The following XKR4 variants were observed in gnomAD, a reference collection of about 807,000 sequenced individuals.
The protein encoded by XKR4 is XK related 4.
Under a neutral mutation model 53.9 loss-of-function variants are expected in XKR4, and 12 were observed. That is an observed-to-expected ratio of 0.22 (90% CI 0.14 to 0.36). The LOEUF (loss-of-function observed/expected upper bound fraction) is 0.36. Ranked by LOEUF, XKR4 falls within the 10% of genes least tolerant of loss-of-function variation. The probability of loss-of-function intolerance (pLI) is 1.00; values close to 1 mark genes in which losing one functional copy is unlikely to be tolerated. For missense variants in XKR4, 799 were observed against 859.5 expected, an observed-to-expected ratio of 0.93 and a Z score of 0.88; for synonymous variants, 354 against 362.4, an observed-to-expected ratio of 0.98 and a Z score of 0.26.
chr8:55,176,367 G>A (rs903822280), intron 1 of XKR4, among the ~76,000 whole-genome samples: 4 of 152,172 alleles, frequency 2.6e-5, no homozygotes, highest in African/African-American at 7.2e-5. Flanking sequence ...GTCCCCAGCC[G>A]CTGCCTCCAG....
chr8:55,107,203 A>G (rs1008661543), intron 1 of XKR4, among the ~76,000 whole-genome samples: 5 of 152,168 alleles, frequency 3.3e-5, no homozygotes, highest in Non-Finnish European at 7.4e-5. Flanking sequence ...AAAGAAAATT[A>G]TTAGTATCTG....
chr8:55,426,785 A>G (rs1487331851), intron 2 of XKR4, among the ~76,000 whole-genome samples: 1 of 152,206 alleles, frequency 6.6e-6, no homozygotes, highest in Non-Finnish European at 1.5e-5. Flanking sequence ...CATGAAACCA[A>G]CCCAAACTAT....
rs879204886 is a variant in XKR4, at chr8:55,538,127, C to T, written c.*13900C>T. The T allele has an allele frequency of 6.6e-6, 1 of 152,124 alleles. No individual in the cohort carries two copies. The highest frequency in any genetic ancestry group is 1.5e-5 in the Non-Finnish European group (1 of 68,020). 9.4% of individuals were successfully genotyped at this position (152,124 alleles called of 1,614,324 possible). A position where few individuals can be genotyped will look rare whatever the true frequency, so the allele number is the denominator to read the frequency against. ...TCCTTTTACACTATGGGATGGATTC[C>T]TTTCTGGATGCAGGGATGGGAGGGT... is the stretch of plus-strand genomic sequence containing the variant. On this transcript the variant is annotated 3_prime_UTR_variant, in exon 3 of 3. Coordinates refer to ENST00000327381, the MANE Select transcript of XKR4 (RefSeq NM_052898.2).
At chr8:55,381,148 A>T (rs1283485206) in intron 2 of XKR4, among the ~76,000 whole-genome samples, 1 of 152,212 alleles carries the variant, frequency 6.6e-6, no homozygotes, top group African/African-American at 2.4e-5. Context: ...GAGATGATGA[A>T]AAGTAATTAT....
In XKR4 at chr8:55,389,064, T is replaced by G. The variant is rs141618801; in HGVS notation, c.1006+31187T>G. Among the ~76,000 whole-genome samples the G allele has an allele frequency of 8.0e-3, 1,222 of 152,318 alleles. 15 individuals are homozygous for G. The highest frequency in any genetic ancestry group is 0.027 in the African/African-American group (1,139 of 41,564). On this transcript the variant is annotated intron_variant, in intron 2 of 2. Transcript: ENST00000327381. ...TTTAAAAAGGGGCAATTTGGACACA[T>G]GAACACGAACATGCACACACAGGGA...
At chr8:55,446,039 T>C (rs1805341558) in intron 2 of XKR4, among the ~76,000 whole-genome samples, 1 of 152,134 alleles carries the variant, frequency 6.6e-6, no homozygotes, top group Admixed American at 6.5e-5. Context: ...AGTGAGCCAA[T>C]GAGAGATTAC....
chr8:55,408,542 A>G (rs1341999453), intron 2 of XKR4, among the ~76,000 whole-genome samples: 2 of 152,172 alleles, frequency 1.3e-5, no homozygotes, highest in Non-Finnish European at 2.9e-5. Flanking sequence ...AACAGACACA[A>G]CCCAGAGGGG....
chr8:55,460,962 T>G (rs1429336300), intron 2 of XKR4, among the ~76,000 whole-genome samples: 2 of 152,052 alleles, frequency 1.3e-5, no homozygotes, highest in Non-Finnish European at 2.9e-5. Context: ...CAGGCTTGAG[T>G]AGGTAAACAA....
chr8:55,188,244 A>G (rs1215474442), intron 1 of XKR4, among the ~76,000 whole-genome samples: 1 of 152,212 alleles, frequency 6.6e-6, no homozygotes, highest in Non-Finnish European at 1.5e-5. Context: ...TTCATGAGTA[A>G]TAGTCATGTT....
intron 1 of XKR4, among the ~76,000 whole-genome samples, chr8:55,212,136 G>A (rs1817740013): frequency 6.6e-6 from 1 of 151,656 alleles, no homozygotes; most frequent in African/African-American, 2.4e-5. Flanking sequence ...AAGGCAGAGG[G>A]GTGGGGTTGC....
intron 1 of XKR4, among the ~76,000 whole-genome samples, chr8:55,238,392 G>A (rs1238625353): frequency 6.6e-6 from 1 of 152,172 alleles, no homozygotes; most frequent in African/African-American, 2.4e-5. Context: ...TGTTTGAGTA[G>A]GCTGAGGAGG....
At chr8:55,497,061 G>C (rs1485424953) in intron 2 of XKR4, among the ~76,000 whole-genome samples, 3 of 152,168 alleles carry the variant, frequency 2.0e-5, no homozygotes, top group Admixed American at 6.5e-5. Context: ...ATTCAGGAGA[G>C]ATTCATGCTG....
chr8:55,342,711 C>T (rs1022376297), intron 1 of XKR4, among the ~76,000 whole-genome samples: 3 of 152,202 alleles, frequency 2.0e-5, no homozygotes, highest in Non-Finnish European at 4.4e-5. Flanking sequence ...CTCCTTTGGA[C>T]TTTGACCCAG....
intron 1 of XKR4, among the ~76,000 whole-genome samples, chr8:55,299,032 TACA>T (rs1014003791): frequency 6.6e-6 from 1 of 152,180 alleles, no homozygotes; most frequent in African/African-American, 2.4e-5. Context: ...GGCCCTTCCT[TACA>T]ACATCTTTTG....
At chr8:55,495,421 C>A (rs374979555) in intron 2 of XKR4, among the ~76,000 whole-genome samples, 1 of 152,336 alleles carries the variant, frequency 6.6e-6, no homozygotes, top group African/African-American at 2.4e-5. Context: ...CCTGCTGGCT[C>A]CATGGAGCAT....
At chr8:55,413,243 A>G (rs1050481516) in intron 2 of XKR4, among the ~76,000 whole-genome samples, 1 of 152,072 alleles carries the variant, frequency 6.6e-6, no homozygotes, top group Non-Finnish European at 1.5e-5. Context: ...TTCTTTTTTA[A>G]ATGGAGTCTC....
intron 2 of XKR4, among the ~76,000 whole-genome samples, chr8:55,469,987 G>A (rs1805847975): frequency 6.6e-6 from 1 of 152,062 alleles, no homozygotes; most frequent in South Asian, 2.1e-4. Context: ...ATTACACATG[G>A]ACAAATAAGT....
At chr8:55,384,666 T>TGGA (rs1435985123) in intron 2 of XKR4, among the ~76,000 whole-genome samples, 4 of 152,158 alleles carry the variant, frequency 2.6e-5, no homozygotes, top group Non-Finnish European at 5.9e-5. Context: ...CACAGTGAGG[T>TGGA]GGAGACATTG....
intron 2 of XKR4, among the ~76,000 whole-genome samples, chr8:55,387,877 C>A (rs896439984): frequency 2.0e-5 from 3 of 152,142 alleles, no homozygotes; most frequent in Non-Finnish European, 4.4e-5. Flanking sequence ...CAGAATGGAA[C>A]TTCTGTCACA....
Sources: allele counts gnomAD v4.1 joint callset (sites outside exome capture counted in the v4.1 genomes callset), GRCh38; gene constraint gnomAD v4.1.1; transcripts MANE v1.5; gene names NCBI Gene and HGNC (gene_info 2026-07-23, HGNC 2026-07-21).